CYP2C18: variants seen among roughly 807,000 people sequenced by gnomAD.
The protein encoded by CYP2C18 is cytochrome P450 2C18.
A neutral mutation model predicts 41.3 loss-of-function variants in CYP2C18; 38 were observed. The observed-to-expected ratio is 0.92, with a 90% CI of 0.71 to 1.21. The LOEUF (loss-of-function observed/expected upper bound fraction) is 1.21, where lower values mean the gene tolerates loss of function less well. CYP2C18 is among the 50% of genes most tolerant of loss of function. CYP2C18 has a pLI of 0.00. For missense variants in CYP2C18, 635 were observed against 591.4 expected, an observed-to-expected ratio of 1.07 and a Z score of -0.77; for synonymous variants, 236 against 210.0, an observed-to-expected ratio of 1.12 and a Z score of -1.07.
Position 94,688,175 on chromosome 10 carries a change from C to G in CYP2C18, c.382C>G (p.Leu128Val). 1 of 1,613,656 alleles carries G rather than the reference C, an allele frequency of 6.2e-7. No homozygotes were observed. Among genetic ancestry groups the G allele is most frequent in the Non-Finnish European group, 8.5e-7 (1 of 1,179,776 alleles). ...ATGGAAGGAGATCCGGCGTTTCTGCCTCATGACTCTGCGGAATTTTGGGAT... is the reference window on the plus strand; with the variant it reads ...ATGGAAGGAGATCCGGCGTTTCTGCGTCATGACTCTGCGGAATTTTGGGAT... ...KRWKEIRRFC[L>V]MTLRNFGMGK... is the part of the protein sequence containing the mutation. The change falls in exon 3 of 9, where the codon CTC becomes GTC. Residue 128 changes from leucine to valine, a missense_variant. Coordinates refer to ENST00000285979, the MANE Select transcript of CYP2C18 (RefSeq NM_000772.3).
At chr10:94,685,343 G>A (rs919107697) in intron 1 of CYP2C18, among the ~76,000 whole-genome samples, 6 of 151,950 alleles carry the variant, frequency 3.9e-5, no homozygotes, top group African/African-American at 1.4e-4. Flanking sequence ...CCCTTTGCTC[G>A]TTTTAAATAG....
At chr10:94,732,295 G>A (rs1275618034) in intron 7 of CYP2C18, among the ~76,000 whole-genome samples, 2 of 151,970 alleles carry the variant, frequency 1.3e-5, no homozygotes, top group Non-Finnish European at 2.9e-5. Flanking sequence ...CAGTCAGAAT[G>A]GCTATGATTA....
In CYP2C18 at chr10:94,733,283, T is replaced by C. The variant is rs1195997392; in HGVS notation, c.1150-14T>C. 1.2e-6 allele frequency: 2 copies of C among 1,610,258 alleles called. No homozygotes were observed. Among genetic ancestry groups the C allele is most frequent in the Admixed American group, 3.4e-5 (2 of 59,578 alleles). On this transcript the variant is annotated splice_polypyrimidine_tract_variant and intron_variant, in intron 7 of 8. Transcript: ENST00000285979. The stretch of plus-strand genomic sequence containing the variant: ...CTTCTTTATAACTTAGTTTGTCTGT[T>C]TTGCTATTTTCAGGGCACGACCATA...
intron 4 of CYP2C18, among the ~76,000 whole-genome samples, chr10:94,699,395 T>C (rs1847188276): frequency 6.6e-6 from 1 of 152,154 alleles, no homozygotes; most frequent in Non-Finnish European, 1.5e-5. Flanking sequence ...ATTACCTCAA[T>C]AGATGCAGAA....
chr10:94,693,689 A>C (rs539770297), intron 3 of CYP2C18, among the ~76,000 whole-genome samples: 1 of 152,318 alleles, frequency 6.6e-6, no homozygotes, highest in African/African-American at 2.4e-5. Flanking sequence ...ATCCCTTGGC[A>C]TGTTTCAGCT....
At chr10:94,718,032 A>G (rs1847584271) in intron 5 of CYP2C18, among the ~76,000 whole-genome samples, 1 of 152,058 alleles carries the variant, frequency 6.6e-6, no homozygotes, top group South Asian at 2.1e-4. Context: ...ATGAAACCAT[A>G]AATTTCTTTA....
chr10:94,692,510 G>T (rs1847021809), intron 3 of CYP2C18, among the ~76,000 whole-genome samples: 1 of 152,138 alleles, frequency 6.6e-6, no homozygotes, highest in Non-Finnish European at 1.5e-5. Flanking sequence ...TCATTAAAAA[G>T]TCAGGAAGCA....
rs1228628601 is a variant in CYP2C18 at position 94,724,393 on chromosome 10, C to T, written c.1009C>T (p.Pro337Ser). The change falls in exon 7 of 9, where the codon CCC (proline) becomes TCC (serine). Residue 337 changes from proline (P) to serine (S), a missense_variant. By Grantham distance (74) the Pro-to-Ser change is moderately conservative. Coordinates refer to ENST00000285979, the MANE Select transcript of CYP2C18 (RefSeq NM_000772.3). ...IECVVGRNRS[P>S]CMQDRSHMPY... ...ATGTGTAGTTGGCAGAAACCGGAGC[C>T]CCTGTATGCAGGACAGGAGTCACAT... is the stretch of plus-strand genomic sequence containing the variant. The T allele has an allele frequency of 6.2e-7, 1 of 1,613,332 alleles. No homozygotes were observed. Among genetic ancestry groups the T allele is most frequent in the Non-Finnish European group, 8.5e-7 (1 of 1,179,664 alleles).
intron 4 of CYP2C18, among the ~76,000 whole-genome samples, chr10:94,704,461 T>C (rs1157541008): frequency 6.6e-6 from 1 of 151,574 alleles, no homozygotes; most frequent in Non-Finnish European, 1.5e-5. Context: ...TTCTTGAATG[T>C]GGAGAGGCAA....
rs141702647 is a variant in CYP2C18 at position 94,724,509 on chromosome 10, A to G, written c.1125A>G (p.Lys375=). The part of the protein sequence containing the change: ...NLPHAVTCDV[K]FKNYLIPKGT... The stretch of plus-strand genomic sequence containing the variant: ...CCCATGCAGTGACCTGTGATGTTAA[A>G]TTCAAAAACTACCTCATCCCCAAGG... Residue 375 remains lysine (K), a synonymous_variant, in exon 7 of 9, where the codon AAA becomes AAG. Transcript: ENST00000285979. 3 of 1,613,512 alleles carry G rather than the reference A, an allele frequency of 1.9e-6. No individual in the cohort carries two copies. The highest frequency in any genetic ancestry group is 2.5e-6 in the Non-Finnish European group (3 of 1,179,610).
rs754065546 is a variant in CYP2C18, at chr10:94,683,829, G to C, written c.10G>C (p.Ala4Pro). 2.5e-6 allele frequency: 4 copies of C among 1,601,682 alleles called. No individual in the cohort carries two copies. Among genetic ancestry groups the C allele is most frequent in the Non-Finnish European group, 3.4e-6 (4 of 1,174,770 alleles). The change falls in exon 1 of 9, where the codon GCT (alanine) becomes CCT (proline). Residue 4 changes from alanine to proline, a missense_variant. Physicochemically the swap from Ala to Pro is conservative, Grantham distance 27. Coordinates refer to ENST00000285979, the MANE Select transcript of CYP2C18 (RefSeq NM_000772.3). MDP[A>P]VALVLCLSCL... Reference sequence around the variant, plus strand: ...AGAAGAGAAGCCTTCAATGGATCCAGCTGTGGCTCTGGTGCTCTGTCTCTC... The same window carrying C: ...AGAAGAGAAGCCTTCAATGGATCCACCTGTGGCTCTGGTGCTCTGTCTCTC...
intron 5 of CYP2C18, among the ~76,000 whole-genome samples, chr10:94,709,831 T>C (rs917394635): frequency 3.9e-5 from 6 of 152,228 alleles, no homozygotes; most frequent in African/African-American, 1.2e-4. Flanking sequence ...TCAGTTGTCC[T>C]AGTACCATTT....
intron 1 of CYP2C18, 54 bp from the exon 2 acceptor site, chr10:94,687,716 T>C: frequency 6.7e-7 from 1 of 1,495,238 alleles, no homozygotes; most frequent in Admixed American, 1.9e-5. Flanking sequence ...ACGGACAATA[T>C]ATAGACCAAA....
At chr10:94,724,124 C>T (rs573785347) in intron 6 of CYP2C18, among the ~76,000 whole-genome samples, 3 of 151,268 alleles carry the variant, frequency 2.0e-5, no homozygotes, top group Admixed American at 1.3e-4. Flanking sequence ...ATCTTGTATG[C>T]TAATATGTAG....
chr10:94,731,117 A>G (rs1847824677), intron 7 of CYP2C18, among the ~76,000 whole-genome samples: 1 of 152,178 alleles, frequency 6.6e-6, no homozygotes, highest in African/African-American at 2.4e-5. Flanking sequence ...GCGGTGGCTC[A>G]TGCCCATAAT....
rs749739018 is a variant in CYP2C18 at position 94,720,476 on chromosome 10, G to A, written c.900G>A (p.Glu300=). Residue 300 remains glutamate (E), a synonymous_variant, in exon 6 of 9, where the codon GAG becomes GAA. Transcript: ENST00000285979. ...CTGATATGTTTGGGGCTGGAACAGA[G>A]ACAACGAGCACCACTCTGAGATATG... ...TVTDMFGAGT[E]TTSTTLRYGL... is the part of the protein sequence containing the mutation. The A allele has an allele frequency of 1.5e-5, 24 of 1,613,362 alleles. No individual in the cohort carries two copies. The highest frequency in any genetic ancestry group is 1.7e-6 in the Non-Finnish European group (2 of 1,179,606).
chr10:94,702,811 A>G lies in CYP2C18; in HGVS notation c.643-3973A>G, dbSNP rs368425766. ...TGTGATCCTTTGGAGGAGAAGAGGC[A>G]TTCTGGTTTTTGGAATTTTTAGTCT... On this transcript the variant is annotated intron_variant, in intron 4 of 8. Transcript: ENST00000285979. 7.9e-5 allele frequency among the ~76,000 whole-genome samples: 12 copies of G among 152,148 alleles called. No homozygotes were observed. In the East Asian group the frequency reaches 1.4e-3, roughly 17 times the overall value.
chr10:94,719,462 G>A (rs1201486926), intron 5 of CYP2C18, among the ~76,000 whole-genome samples: 2 of 151,478 alleles, frequency 1.3e-5, no homozygotes, highest in South Asian at 2.1e-4. Context: ...GGAGTGCAGT[G>A]GCATGAACAT....
intron 3 of CYP2C18, among the ~76,000 whole-genome samples, chr10:94,693,735 A>G (rs1189484818): frequency 6.6e-6 from 1 of 152,212 alleles, no homozygotes; most frequent in African/African-American, 2.4e-5. Flanking sequence ...TTAACTAAAC[A>G]GGGTCCCATT....
Sources: allele counts gnomAD v4.1 joint callset (sites outside exome capture counted in the v4.1 genomes callset), GRCh38; gene constraint gnomAD v4.1.1; transcripts MANE v1.5; gene names NCBI Gene and HGNC (gene_info 2026-07-23, HGNC 2026-07-21).